Variants in LAMA3 observed in about 807,000 individuals in gnomAD.
The protein encoded by LAMA3 is laminin subunit alpha 3, also known as laminin subunit alpha-3.
LAMA3 carries 281 observed loss-of-function variants against 402.0 expected under a neutral mutation model. The ratio of observed to expected loss-of-function variants is 0.70; its 90% confidence interval spans 0.63 to 0.77. LAMA3 has a LOEUF of 0.77. LAMA3 is among the 30% of genes least tolerant of loss of function. LAMA3 has a pLI of 0.00. For synonymous variants in LAMA3, 1,431 were observed against 1,558.4 expected, an observed-to-expected ratio of 0.92 and a Z score of 1.93; for missense variants, 3,840 against 4,215.5, an observed-to-expected ratio of 0.91 and a Z score of 2.47.
intron 39 of LAMA3, among the ~76,000 whole-genome samples, chr18:23,880,661 G>A (rs2064867250): frequency 6.6e-6 from 1 of 152,218 alleles, no homozygotes; most frequent in African/African-American, 2.4e-5. Context: ...GGCGAATCAT[G>A]AAGTCAGGAA....
chr18:23,915,310 C>G lies in LAMA3; in HGVS notation c.7666C>G (p.Pro2556Ala), dbSNP rs2081575539. The change falls in exon 59 of 75, where the codon CCT (proline) becomes GCT (alanine). Residue 2556 changes from proline (P) to alanine (A), a missense_variant. By Grantham distance (27) the Pro-to-Ala change is conservative (BLOSUM62 -1). Around this residue, in one of 3 missense-constraint regions of LAMA3, gnomAD observed 840 missense variants for 981.9 expected, o/e 0.86. Coordinates refer to ENST00000313654, the MANE Select transcript of LAMA3 (RefSeq NM_198129.4). The stretch of plus-strand genomic sequence containing the variant: ...TCAGCTTCCCAGTCGACTAAGTTTC[C>G]CTCCATACAAAGGTTGTATTGAATT... Reference protein sequence around the residue: ...DFKLPSRLSFPPYKGCIELDD... With the variant: ...DFKLPSRLSFAPYKGCIELDD... The G allele has an allele frequency of 3.1e-6, 5 of 1,613,596 alleles. No homozygotes were observed. The East Asian group carries it at 8.9e-5, about 29-fold the overall frequency.
At chr18:23,815,150 G>T (rs1328116194) in intron 15 of LAMA3, 38 bp from the exon 16 acceptor site, 1 of 1,592,016 alleles carries the variant, frequency 6.3e-7, no homozygotes, top group African/African-American at 1.3e-5. Flanking sequence ...TGTCTTTTGT[G>T]TCTCCCTTAG....
chr18:23,805,873 A>G (rs1489757215), intron 12 of LAMA3, among the ~76,000 whole-genome samples: 1 of 152,232 alleles, frequency 6.6e-6, no homozygotes, highest in Non-Finnish European at 1.5e-5. Flanking sequence ...GAGTTCTTCC[A>G]CAATAGTACC....
chr18:23,872,553 C>G (rs976866545), intron 38 of LAMA3, among the ~76,000 whole-genome samples: 3 of 152,166 alleles, frequency 2.0e-5, no homozygotes, highest in Non-Finnish European at 4.4e-5. Context: ...CCAAGGTGAT[C>G]TGCGCATACG....
chr18:23,772,595 T>C (rs2062225327), intron 8 of LAMA3, among the ~76,000 whole-genome samples: 1 of 152,174 alleles, frequency 6.6e-6, no homozygotes, highest in African/African-American at 2.4e-5. Flanking sequence ...GAATTCAGAT[T>C]TTAGCCTATG....
intron 56 of LAMA3, among the ~76,000 whole-genome samples, 158 bp downstream of exon 56, chr18:23,913,039 C>T (rs1409772410): frequency 2.6e-5 from 4 of 152,222 alleles, no homozygotes; most frequent in Admixed American, 2.6e-4. Context: ...CCCTGCCCAC[C>T]TCCCCACTGT....
At chr18:23,943,397 A>G (rs1165105828) in intron 68 of LAMA3, among the ~76,000 whole-genome samples, 4 of 152,244 alleles carry the variant, frequency 2.6e-5, no homozygotes, top group Non-Finnish European at 5.9e-5. Flanking sequence ...ACTTAACAGT[A>G]CTGAACTATA....
intron 20 of LAMA3, 24 bp from the exon 21 acceptor site, chr18:23,824,399 A>G (rs1303004358): frequency 6.2e-7 from 1 of 1,613,600 alleles, no homozygotes; most frequent in Admixed American, 1.7e-5. Flanking sequence ...AAATGCCTTA[A>G]GCAGTTCTTT....
At chr18:23,712,634 C>G (rs1035451399) in intron 1 of LAMA3, among the ~76,000 whole-genome samples, 2 of 112,450 alleles carry the variant, frequency 1.8e-5, no homozygotes, top group Middle Eastern at 4.4e-3. Context: ...TGTATAATGT[C>G]GAAAGATAAA....
intron 69 of LAMA3, 101 bp from the exon 70 acceptor site, chr18:23,946,043 A>G (rs1217763700): frequency 1.7e-6 from 2 of 1,170,360 alleles, no homozygotes; most frequent in African/African-American, 3.0e-5. Context: ...TTGAAGGAGC[A>G]TGAAAACATT....
chr18:23,833,403 AC>A (rs1239939520), intron 23 of LAMA3, among the ~76,000 whole-genome samples: 1 of 146,652 alleles, frequency 6.8e-6, no homozygotes, highest in African/African-American at 2.5e-5. Flanking sequence ...TAAAAAAAAA[AC>A]AATTAAAGAG....
intron 2 of LAMA3, among the ~76,000 whole-genome samples, chr18:23,737,001 G>A (rs1051536849): frequency 2.0e-5 from 3 of 152,118 alleles, no homozygotes; most frequent in Non-Finnish European, 4.4e-5. Context: ...TGTCCTTGCT[G>A]GCATGGAAAA....
chr18:23,806,187 T>C (rs1019795263), intron 12 of LAMA3, among the ~76,000 whole-genome samples: 2 of 152,258 alleles, frequency 1.3e-5, no homozygotes, highest in African/African-American at 4.8e-5. Flanking sequence ...TGCCACCACT[T>C]GGCTGCCACC....
intron 1 of LAMA3, among the ~76,000 whole-genome samples, chr18:23,710,439 A>T (rs536161178): frequency 6.6e-6 from 1 of 152,340 alleles, no homozygotes; most frequent in East Asian, 1.9e-4. Context: ...TCCCTGAGAA[A>T]GTTCTTCAAC....
chr18:23,897,290 G>A (rs112161652), intron 44 of LAMA3, among the ~76,000 whole-genome samples: 7 of 152,310 alleles, frequency 4.6e-5, no homozygotes, highest in African/African-American at 1.7e-4. Context: ...CTATAGCTGA[G>A]TATATATAGC....
At chr18:23,938,494 A>G (rs148874852) in intron 67 of LAMA3, among the ~76,000 whole-genome samples, 129 of 152,320 alleles carry the variant, frequency 8.5e-4, no homozygotes, top group African/African-American at 2.9e-3. Flanking sequence ...ACTTCTCTGC[A>G]TGAGTCAACT....
intron 37 of LAMA3, among the ~76,000 whole-genome samples, chr18:23,868,297 A>AATT (rs1248085960): frequency 6.6e-6 from 1 of 152,214 alleles, no homozygotes; most frequent in East Asian, 1.9e-4. Flanking sequence ...TCAAAACATG[A>AATT]ATTATATAAA....
intron 12 of LAMA3, among the ~76,000 whole-genome samples, 187 bp from the exon 13 acceptor site, chr18:23,810,179 G>A (rs751654863): frequency 3.3e-5 from 5 of 152,170 alleles, no homozygotes; most frequent in Non-Finnish European, 7.3e-5. Flanking sequence ...TCCCACTTAA[G>A]GAAGGAGAAA....
At chr18:23,942,016 C>T (rs1476142222) in intron 68 of LAMA3, among the ~76,000 whole-genome samples, 1 of 152,136 alleles carries the variant, frequency 6.6e-6, no homozygotes, top group East Asian at 1.9e-4. Flanking sequence ...ATTTCTCTTT[C>T]GTTTTGAAGA....
Sources: gnomAD v4.1 joint callset for allele counts (sites outside exome capture counted in the v4.1 genomes callset) on GRCh38, gnomAD v4.1.1 for gene constraint, gnomAD v4.1.1 regional missense constraint, MANE v1.5 for transcripts, NCBI Gene and HGNC (gene_info 2026-07-23, HGNC 2026-07-21) for gene names.